PDE1A: variants seen among roughly 807,000 people sequenced by gnomAD.
PDE1A encodes the protein dual specificity calcium/calmodulin-dependent 3',5'-cyclic nucleotide phosphodiesterase 1A.
A neutral mutation model predicts 61.7 loss-of-function variants in PDE1A; 35 were observed. That is an observed-to-expected ratio of 0.57 (90% CI 0.43 to 0.75). The LOEUF (loss-of-function observed/expected upper bound fraction) is 0.75. Ranked by LOEUF, PDE1A falls within the 30% of genes least tolerant of loss-of-function variation. PDE1A has a pLI of 0.00. For synonymous variants in PDE1A, 232 were observed against 213.2 expected (o/e 1.09, Z -0.77); for missense variants, 597 against 630.6 (o/e 0.95, Z 0.57).
the PDE1A span, among the ~76,000 whole-genome samples, chr2:182,705,537 G>A: frequency 7.7e-4 from 117 of 151,394 alleles, 1 homozygote; most frequent in African/African-American, 2.8e-3. Context: ...ACGGAATCTC[G>A]CTCTGTCACC....
the PDE1A span, among the ~76,000 whole-genome samples, chr2:182,667,277 T>A: frequency 6.6e-6 from 1 of 152,230 alleles, no homozygotes; most frequent in African/African-American, 2.4e-5. Flanking sequence ...ATAGTCTGAT[T>A]ACCTTTACAG....
chr2:182,698,215 A>G, the PDE1A span, among the ~76,000 whole-genome samples: 1 of 152,150 alleles, frequency 6.6e-6, no homozygotes, highest in Non-Finnish European at 1.5e-5. Context: ...CTTCAACACC[A>G]GATTTTAAAG....
intron 1 of PDE1A, among the ~76,000 whole-genome samples, chr2:182,350,674 C>G (rs1698820893): frequency 1.3e-5 from 2 of 152,120 alleles, no homozygotes; most frequent in East Asian, 3.9e-4. Flanking sequence ...ATTCCTCATT[C>G]ACAGTCAAGA....
At chr2:182,549,711 AT>A in the PDE1A span, among the ~76,000 whole-genome samples, 1 of 152,044 alleles carries the variant, frequency 6.6e-6, no homozygotes, top group Non-Finnish European at 1.5e-5. Flanking sequence ...CTAAGTACAT[AT>A]TTTTTTCATT....
At chr2:182,217,538 C>A (rs1688303263) in intron 7 of PDE1A, among the ~76,000 whole-genome samples, 1 of 147,144 alleles carries the variant, frequency 6.8e-6, no homozygotes, top group Admixed American at 6.9e-5. Context: ...GGGCTAATAT[C>A]CAGACTCTAC....
At chr2:182,195,399 C>T (rs190018151) in intron 10 of PDE1A, among the ~76,000 whole-genome samples, 5 of 152,204 alleles carry the variant, frequency 3.3e-5, no homozygotes, top group Non-Finnish European at 5.9e-5. Context: ...AAGGGGAAGA[C>T]TCATGTCTCC....
chr2:182,503,846 TA>T (rs1253556838), intron 2 of PDE1A, among the ~76,000 whole-genome samples: 4 of 152,206 alleles, frequency 2.6e-5, no homozygotes. Context: ...CTGGACTGTT[TA>T]TTGTTATATC....
intron 1 of PDE1A, among the ~76,000 whole-genome samples, chr2:182,290,366 G>A (rs1211559165): frequency 6.6e-6 from 1 of 152,032 alleles, no homozygotes; most frequent in African/African-American, 2.4e-5. Flanking sequence ...AAATCTTTTG[G>A]TGGAAAGACT....
chr2:182,713,672 T>A, the PDE1A span, among the ~76,000 whole-genome samples: 1 of 152,146 alleles, frequency 6.6e-6, no homozygotes, highest in Non-Finnish European at 1.5e-5. Context: ...TGTGTAAGAT[T>A]ATCAATCCAT....
chr2:182,533,890 T>C, the PDE1A span, among the ~76,000 whole-genome samples: 1 of 152,070 alleles, frequency 6.6e-6, no homozygotes, highest in Non-Finnish European at 1.5e-5. Context: ...TCTGTGCACT[T>C]TTCTAGATAT....
At chr2:182,504,986 C>T (rs947975490) in intron 2 of PDE1A, among the ~76,000 whole-genome samples, 1 of 152,208 alleles carries the variant, frequency 6.6e-6, no homozygotes, top group African/African-American at 2.4e-5. Context: ...ATGTTGTAGC[C>T]TGGAAGCCAA....
intron 1 of PDE1A, among the ~76,000 whole-genome samples, chr2:182,374,876 T>C (rs544394639): frequency 1.3e-5 from 2 of 152,310 alleles, no homozygotes; most frequent in Non-Finnish European, 2.9e-5. Flanking sequence ...TGCATATGGC[T>C]GGGGAAGCCT....
chr2:182,708,550 A>G, the PDE1A span, among the ~76,000 whole-genome samples: 25,263 of 152,044 alleles, frequency 0.17, 4,671 homozygotes, highest in African/African-American at 0.46. Context: ...ACAGTTCTGC[A>G]TGGCTGGAAT....
chr2:182,274,633 G>T (rs1046505278), intron 1 of PDE1A, among the ~76,000 whole-genome samples: 1 of 152,088 alleles, frequency 6.6e-6, no homozygotes, highest in Non-Finnish European at 1.5e-5. Flanking sequence ...TATTGTGAAG[G>T]TTGTTATATG....
the PDE1A span, among the ~76,000 whole-genome samples, chr2:182,702,026 A>T: frequency 5.3e-5 from 8 of 152,350 alleles, 1 homozygote; most frequent in East Asian, 1.3e-3. Context: ...ACAGAATTTA[A>T]TTTGCAGAAT....
At chr2:182,521,800 T>C (rs1008513561) in intron 2 of PDE1A, among the ~76,000 whole-genome samples, 3 of 152,128 alleles carry the variant, frequency 2.0e-5, no homozygotes, top group African/African-American at 2.4e-5. Flanking sequence ...TTTTTTCTTA[T>C]AGAAATATCA....
the PDE1A span, among the ~76,000 whole-genome samples, chr2:182,697,601 CTCTT>C: frequency 6.6e-6 from 1 of 152,212 alleles, no homozygotes; most frequent in Non-Finnish European, 1.5e-5. Flanking sequence ...GTGATAGTCT[CTCTT>C]TCATTCTCTC....
At chr2:182,470,093 G>A (rs1686932151) in intron 2 of PDE1A, among the ~76,000 whole-genome samples, 1 of 151,864 alleles carries the variant, frequency 6.6e-6, no homozygotes, top group Non-Finnish European at 1.5e-5. Flanking sequence ...AAAACACGCT[G>A]TTAGAAAAAT....
At chr2:182,238,492 T>TA (rs1360677137) in intron 3 of PDE1A, among the ~76,000 whole-genome samples, 1 of 152,006 alleles carries the variant, frequency 6.6e-6, no homozygotes. Context: ...TTTGGGTAAG[T>TA]AATTGCCAGG....
Sources: gnomAD v4.1 joint callset for allele counts (sites outside exome capture counted in the v4.1 genomes callset) on GRCh38, gnomAD v4.1.1 for gene constraint, MANE v1.5 for transcripts, NCBI Gene and HGNC (gene_info 2026-07-23, HGNC 2026-07-21) for gene names.